LAMA5: variants seen among roughly 807,000 people sequenced by gnomAD.
LAMA5 encodes the protein laminin subunit alpha 5.
Under a neutral mutation model 433.4 loss-of-function variants are expected in LAMA5, and 260 were observed. The observed-to-expected ratio is 0.60, with a 90% CI of 0.54 to 0.66. The LOEUF (loss-of-function observed/expected upper bound fraction) is 0.66, where lower values mean the gene tolerates loss of function less well. Ranked by LOEUF, LAMA5 falls within the 30% of genes least tolerant of loss-of-function variation. The probability of loss-of-function intolerance (pLI) is 0.00; values close to 1 mark genes in which losing one functional copy is unlikely to be tolerated. For missense variants in LAMA5, 5,378 were observed against 5,258.5 expected (o/e 1.02, Z -0.70); for synonymous variants, 2,620 against 2,226.6 (o/e 1.18, Z -4.97).
At chr20:62,344,144 C>G (rs1408156150) in intron 11 of LAMA5, among the ~76,000 whole-genome samples, 1 of 82,652 alleles carries the variant, frequency 1.2e-5, no homozygotes, top group Admixed American at 1.4e-4. Context: ...AACTCCATCT[C>G]AAAAAAAAAA....
At chr20:62,335,190 C>T (rs1284638078) in intron 19 of LAMA5, 27 bp downstream of exon 19, 1 of 1,612,490 alleles carries the variant, frequency 6.2e-7, no homozygotes, top group Non-Finnish European at 8.5e-7. Context: ...GCCCCCAAAT[C>T]CCCCACACCT....
chr20:62,328,156 G>A, intron 35 of LAMA5, 85 bp downstream of exon 35: 1 of 1,510,328 alleles, frequency 6.6e-7, no homozygotes. Flanking sequence ...AATGGGAGCA[G>A]GGTGGGTGCC....
chr20:62,333,233 A>G lies in LAMA5; in HGVS notation c.3139T>C (p.Tyr1047His), dbSNP rs745316643. The G allele has an allele frequency of 6.5e-7, 1 of 1,546,076 alleles. No homozygotes were observed. Among genetic ancestry groups the G allele is most frequent in the Non-Finnish European group, 8.7e-7 (1 of 1,144,050 alleles). The change falls in exon 26 of 80, where the codon TAC becomes CAC. Residue 1047 changes from tyrosine (Y) to histidine (H), a missense_variant. Tyr to His is a moderately conservative substitution (Grantham distance 83). Transcript: ENST00000252999. ...AAGCCATCCAGGGGGAGGTGTGTGT[A>G]GAGGAGGCAGCTGGGGGGACACAGG... ...AQQSGDNCLLYTHLPLDGFPS... is the reference protein window; with the variant it reads ...AQQSGDNCLLHTHLPLDGFPS...
intron 11 of LAMA5, among the ~76,000 whole-genome samples, chr20:62,340,305 GTTTT>G (rs34415039): frequency 0.22 from 21,638 of 99,148 alleles, 1,151 homozygotes; most frequent in Middle Eastern, 0.27. Context: ...AGCCTCCTTT[GTTTT>G]TTTTTTTTTT....
chr20:62,316,151 G>A (rs1196186824), intron 57 of LAMA5, 93 bp from the exon 58 acceptor site: 6 of 814,518 alleles, frequency 7.4e-6, no homozygotes, highest in South Asian at 6.1e-5. Context: ...GAGGACCAAG[G>A]CTGACACACA....
chr20:62,322,609 C>G, intron 46 of LAMA5, 49 bp downstream of exon 46: 1 of 1,460,008 alleles, frequency 6.8e-7, no homozygotes, highest in Non-Finnish European at 9.3e-7. Context: ...GGCCCCAACT[C>G]TAGTCCCTAG....
intron 46 of LAMA5, 81 bp from the exon 47 acceptor site, chr20:62,322,530 C>G: frequency 6.8e-7 from 1 of 1,469,134 alleles, no homozygotes; most frequent in Non-Finnish European, 9.2e-7. Context: ...TCCTGCCCAT[C>G]TGGCCCCACC....
chr20:62,365,147 G>A (rs539222878), intron 1 of LAMA5, among the ~76,000 whole-genome samples: 33 of 152,380 alleles, frequency 2.2e-4, no homozygotes, highest in African/African-American at 7.9e-4. Flanking sequence ...TCGAGACTTT[G>A]GAAGCGAAGG....
chr20:62,316,662 A>G lies in LAMA5; in HGVS notation c.7756+9T>C, dbSNP rs1197242263. The G allele has an allele frequency of 6.4e-7, 1 of 1,569,858 alleles. No homozygotes were observed. The highest frequency in any genetic ancestry group is 8.7e-7 in the Non-Finnish European group (1 of 1,153,462). On this transcript the variant is annotated intron_variant, in intron 57 of 79. Transcript: ENST00000252999. The stretch of plus-strand genomic sequence containing the variant: ...GGCCTAAGGGCCCCCATCGGAGCCC[A>G]GCACTCACCAAGGCCCAGCCTCTGC...
rs6061488 is a variant in LAMA5, at chr20:62,324,851, A to G, written c.5530-297T>C. On this transcript the variant is annotated intron_variant, in intron 41 of 79. Coordinates refer to ENST00000252999, the MANE Select transcript of LAMA5 (RefSeq NM_005560.6). This position sits in a 1 kb window ranked among gnomAD's most constrained non-coding sequence, Gnocchi z 4.4. ...ACCCACTCCATGTGGACCAGGGCCT[A>G]CTCTTTCCACTCCTTCTAGGAGGTA... The G allele has an allele frequency of 0.92, 422,221 of 458,726 alleles. 194,868 individuals carry two copies. The highest frequency in any genetic ancestry group is 0.98 in the East Asian group (24,598 of 24,976). 28.4% of individuals were successfully genotyped at this position (458,726 alleles called of 1,614,324 possible).
At chr20:62,323,888 CCCTGGCAGTGCCCGGGCCCGGGCG>C (rs774467371) in intron 43 of LAMA5, 32 bp from the exon 44 acceptor site, 12 of 1,575,016 alleles carry the variant, frequency 7.6e-6, no homozygotes, top group African/African-American at 1.4e-5. Flanking sequence ...GTCACTAGGC[CCCTGGCAGTGCCCGGGCCCGGGCG>C]AGCACACTGT....
In LAMA5 at chr20:62,320,578, G is replaced by A. The variant is rs201066079; in HGVS notation, c.6740C>T (p.Ala2247Val). Reference sequence around the variant, plus strand: ...TCCTGCCTGGCCGCCTAGCCGCCGTGCGTCCTGCCCGAGGCTTGTGCTCTG... The same window carrying A: ...TCCTGCCTGGCCGCCTAGCCGCCGTACGTCCTGCCCGAGGCTTGTGCTCTG... ...EQQSTSLGQDARRLGGQAVGT... is the reference protein window; with the variant it reads ...EQQSTSLGQDVRRLGGQAVGT... The change falls in exon 50 of 80, where the codon GCA (alanine) becomes GTA (valine). Residue 2247 changes from alanine to valine, a missense_variant. Transcript: ENST00000252999. 1.4e-4 allele frequency: 221 copies of A among 1,600,804 alleles called. 1 individual carries two copies. In the Admixed American group the frequency reaches 2.1e-3, roughly 16 times the overall value.
rs773038231 is a variant in LAMA5 at position 62,314,958 on chromosome 20, GGA to G, written c.8048-13_8048-12del. On this transcript the variant is annotated splice_polypyrimidine_tract_variant and intron_variant, in intron 59 of 79. Transcript: ENST00000252999. The stretch of plus-strand genomic sequence containing the variant: ...TCTCCAGGGTGGACACTGCAGAGAG[GGA>G]GACCTGAGACCTTTGCCCCCCACCG... 6.5e-5 allele frequency: 103 copies of G among 1,589,720 alleles called. No homozygotes were observed. Among genetic ancestry groups the G allele is most frequent in the Non-Finnish European group, 8.1e-5 (95 of 1,172,134 alleles).
chr20:62,314,636 G>A lies in LAMA5; in HGVS notation c.8286C>T (p.Leu2762=), dbSNP rs1477933093. Residue 2762 remains leucine, a synonymous_variant, in exon 61 of 80, where the codon CTC becomes CTT. Coordinates refer to ENST00000252999, the MANE Select transcript of LAMA5 (RefSeq NM_005560.6). ...DLADLAAYTA[L]KFYLQGPEPE... is the part of the protein sequence containing the mutation. Reference sequence around the variant, plus strand: ...GCTCTGGGCCCTGCAGGTAGAACTTGAGGGCAGTGTAGGCAGCAAGGTCGG... The same window carrying A: ...GCTCTGGGCCCTGCAGGTAGAACTTAAGGGCAGTGTAGGCAGCAAGGTCGG... 3.1e-6 allele frequency: 5 copies of A among 1,612,600 alleles called. No individual in the cohort carries two copies. Among genetic ancestry groups the A allele is most frequent in the African/African-American group, 1.3e-5 (1 of 75,038 alleles).
intron 6 of LAMA5, among the ~76,000 whole-genome samples, chr20:62,350,404 T>TC (rs34926372): frequency 1.3e-5 from 2 of 151,842 alleles, no homozygotes; most frequent in African/African-American, 4.8e-5. Context: ...ACTGTGCCAC[T>TC]CCTCCCCTCA....
At chr20:62,366,580 G>A (rs1267858331) in intron 1 of LAMA5, among the ~76,000 whole-genome samples, 1 of 152,190 alleles carries the variant, frequency 6.6e-6, no homozygotes, top group Non-Finnish European at 1.5e-5. Context: ...GGGCGGAGCT[G>A]CGCCCCCTCC....
In LAMA5 at chr20:62,333,409, T is replaced by C. The variant is rs777665241; in HGVS notation, c.3094A>G (p.Thr1032Ala). ...LLQLRVTEAC[T>A]YRPSAQQSGD... ...GACTGCTGGGCAGAGGGACGGTATG[T>C]GCAGGCCTCAGTCACCCGCAGCTGC... The change falls in exon 25 of 80, where the codon ACA (threonine) becomes GCA (alanine). Residue 1032 changes from threonine to alanine, a missense_variant. Transcript: ENST00000252999. The C allele has an allele frequency of 5.0e-5, 80 of 1,612,598 alleles. No individual in the cohort carries two copies. Among genetic ancestry groups the C allele is most frequent in the Non-Finnish European group, 6.3e-5 (74 of 1,179,908 alleles).
rs1388527648 is a variant in LAMA5 at position 62,335,245 on chromosome 20, G to A, written c.2348C>T (p.Thr783Ile). 4.3e-6 allele frequency: 7 copies of A among 1,612,626 alleles called. No homozygotes were observed. The highest frequency in any genetic ancestry group is 3.3e-5 in the South Asian group (3 of 91,070). Residue 783 changes from threonine (T) to isoleucine (I), a missense_variant, in exon 19 of 80, where the codon ACA becomes ATA. Thr to Ile is a moderately conservative substitution (Grantham distance 89). Transcript: ENST00000252999. ...CTRCSCDLRGTLGGVAECQPG... is the reference protein window; with the variant it reads ...CTRCSCDLRGILGGVAECQPG... ...CTGGCACTCAGCAACTCCACCCAGTGTGCCCCTGAGGTCGCAGCTGCAGCC... is the reference window on the plus strand; with the variant it reads ...CTGGCACTCAGCAACTCCACCCAGTATGCCCCTGAGGTCGCAGCTGCAGCC...
Position 62,309,112 on chromosome 20 carries a change from T to C in LAMA5, c.*224A>G. On this transcript the variant is annotated 3_prime_UTR_variant, in exon 80 of 80. Coordinates refer to ENST00000252999, the MANE Select transcript of LAMA5 (RefSeq NM_005560.6). ...TTTTTAAGGAGGAACCAGTGATGAT[T>C]GGTGACAAATCTCTCACAATTAAAA... is the stretch of plus-strand genomic sequence containing the variant. 1.7e-6 allele frequency: 1 copy of C among 605,528 alleles called. No individual in the cohort carries two copies. Among genetic ancestry groups the C allele is most frequent in the Non-Finnish European group, 2.8e-6 (1 of 358,524 alleles). The allele number at this position is 605,528 out of a possible 1,614,324, so 37.5% of individuals were successfully genotyped here.
Sources: gnomAD v4.1 joint callset for allele counts (sites outside exome capture counted in the v4.1 genomes callset) on GRCh38, gnomAD v4.1.1 for gene constraint, Gnocchi (gnomAD v3.1) non-coding constraint, MANE v1.5 for transcripts, NCBI Gene and HGNC (gene_info 2026-07-23, HGNC 2026-07-21) for gene names.